Variants in SLC22A4 observed in about 807,000 individuals in gnomAD.
SLC22A4 encodes ET transporter.
In SLC22A4, 39 loss-of-function variants were observed where a neutral mutation model predicts 56.6. The observed-to-expected ratio is 0.69, with a 90% CI of 0.53 to 0.90. The LOEUF is 0.90. Ranked by LOEUF, SLC22A4 falls within the 40% of genes least tolerant of loss-of-function variation. SLC22A4 has a pLI of 0.00. For missense variants in SLC22A4, 594 were observed against 696.5 expected (o/e 0.85, Z 1.66); for synonymous variants, 241 against 281.4 (o/e 0.86, Z 1.44).
intron 5 of SLC22A4, among the ~76,000 whole-genome samples, chr5:132,330,665 G>A (rs563313377): frequency 2.0e-5 from 3 of 152,170 alleles, no homozygotes; most frequent in Non-Finnish European, 4.4e-5. Flanking sequence ...GGCGGAGGTT[G>A]CAGTGAGCTG....
chr5:132,325,431 C>G (rs991659052), intron 4 of SLC22A4, among the ~76,000 whole-genome samples: 1 of 152,172 alleles, frequency 6.6e-6, no homozygotes, highest in Admixed American at 6.5e-5. Flanking sequence ...CAGCACAGTT[C>G]TAATTACTGA....
Position 132,311,028 on chromosome 5 carries a change from CTT to C in SLC22A4, c.394-1132_394-1131del, listed in dbSNP as rs549625276. 4.2e-3 allele frequency among the ~76,000 whole-genome samples: 647 copies of C among 152,238 alleles called. 4 individuals carry two copies. The highest frequency in any genetic ancestry group is 0.015 in the African/African-American group (610 of 41,544). On this transcript the variant is annotated intron_variant, in intron 1 of 9. Coordinates refer to ENST00000200652, the MANE Select transcript of SLC22A4 (RefSeq NM_003059.3). ...TTAGCTTTTTGTTTTACATTTTTCT[CTT>C]GTGTGTGTCTTTATAAACACCTCTG...
At chr5:132,322,503 T>A in intron 4 of SLC22A4, 148 bp downstream of exon 4, 2 of 738,982 alleles carry the variant, frequency 2.7e-6, no homozygotes, top group Non-Finnish European at 2.3e-6. Context: ...AGTTTTTGCC[T>A]CATTGTGGGT....
chr5:132,340,417 C>T (rs1751177075), intron 8 of SLC22A4, 148 bp from the exon 9 acceptor site: 2 of 792,890 alleles, frequency 2.5e-6, no homozygotes, highest in East Asian at 4.9e-5. Flanking sequence ...CAAAAAGAAA[C>T]TGATATTTTG....
chr5:132,310,916 G>A (rs1204458442), intron 1 of SLC22A4, among the ~76,000 whole-genome samples: 1 of 152,148 alleles, frequency 6.6e-6, no homozygotes, highest in Non-Finnish European at 1.5e-5. Flanking sequence ...AGGCAGGCCC[G>A]TGGACAGGAT....
chr5:132,325,046 A>C lies in SLC22A4; in HGVS notation c.825-2231A>C, dbSNP rs552942906. ...CCACAGGTGTGAATGGAGTATGTGT[A>C]TAGGCGGTGGGGATGGGGTAGGGAA... On this transcript the variant is annotated intron_variant, in intron 4 of 9. Transcript: ENST00000200652. Among the ~76,000 whole-genome samples the C allele has an allele frequency of 7.9e-5, 12 of 152,298 alleles. No homozygotes were observed. The South Asian group carries it at 2.5e-3, about 32-fold the overall frequency.
intron 2 of SLC22A4, among the ~76,000 whole-genome samples, chr5:132,313,224 G>A (rs553849048): frequency 6.6e-6 from 1 of 152,316 alleles, no homozygotes; most frequent in South Asian, 2.1e-4. Flanking sequence ...CACTTGCAGA[G>A]TGACTCTTAG....
intron 1 of SLC22A4, among the ~76,000 whole-genome samples, chr5:132,302,518 A>G (rs1250460595): frequency 6.6e-6 from 1 of 152,194 alleles, no homozygotes; most frequent in African/African-American, 2.4e-5. Flanking sequence ...GAAGGTGTGG[A>G]GAGAATGGAC....
At chr5:132,306,113 C>T (rs1395405513) in intron 1 of SLC22A4, among the ~76,000 whole-genome samples, 1 of 151,804 alleles carries the variant, frequency 6.6e-6, no homozygotes, top group Non-Finnish European at 1.5e-5. Context: ...AAATTGAAAC[C>T]CTCATTCATT....
At chr5:132,311,150 T>C (rs1750169688) in intron 1 of SLC22A4, 1 of 152,228 alleles carries the variant, frequency 6.6e-6, no homozygotes, top group Admixed American at 6.5e-5. Context: ...AGGAATTGTT[T>C]GGCGAATGCA....
chr5:132,313,769 G>A lies in SLC22A4; in HGVS notation c.652+1G>A, dbSNP rs766080054. The A allele has an allele frequency of 9.9e-6, 16 of 1,614,040 alleles. No homozygotes were observed. In the South Asian group the frequency reaches 1.6e-4, roughly 17 times the overall value. On this transcript the variant is annotated splice_donor_variant, in intron 3 of 9. Coordinates refer to ENST00000200652, the MANE Select transcript of SLC22A4 (RefSeq NM_003059.3). LOFTEE classifies it high-confidence loss of function. ...AACTATGTGGTAGCCTTCATACTAG[G>A]TAGGAATGGCTTCTGGGACATGGGG...
chr5:132,295,253 C>G, intron 1 of SLC22A4: 2 of 710,232 alleles, frequency 2.8e-6, no homozygotes, highest in Non-Finnish European at 5.2e-6. Context: ...ACTGTCTTTT[C>G]ATTTCCGATT....
At chr5:132,337,320 A>G (rs890327654) in intron 8 of SLC22A4, among the ~76,000 whole-genome samples, 1 of 130,280 alleles carries the variant, frequency 7.7e-6, no homozygotes, top group Non-Finnish European at 1.5e-5. Context: ...TCTGGAGTGT[A>G]GTGGTGCGAT....
chr5:132,329,349 T>TC (rs1750788534), intron 5 of SLC22A4, among the ~76,000 whole-genome samples: 1 of 152,110 alleles, frequency 6.6e-6, no homozygotes, highest in Non-Finnish European at 1.5e-5. Context: ...TCTCCCCTGC[T>TC]CACCTCCCGT....
At chr5:132,298,267 A>G (rs576377893) in intron 1 of SLC22A4, among the ~76,000 whole-genome samples, 1 of 152,362 alleles carries the variant, frequency 6.6e-6, no homozygotes, top group South Asian at 2.1e-4. Context: ...GGATAAACAT[A>G]ATGTGGTATA....
At chr5:132,311,007 CTTTTT>C (rs1750166068) in intron 1 of SLC22A4, among the ~76,000 whole-genome samples, 1 of 152,112 alleles carries the variant, frequency 6.6e-6, no homozygotes, top group Non-Finnish European at 1.5e-5. Flanking sequence ...ATTCCCTTAG[CTTTTT>C]GTTTTACATT....
At chr5:132,305,077 T>C (rs1327596534) in intron 1 of SLC22A4, among the ~76,000 whole-genome samples, 1 of 152,180 alleles carries the variant, frequency 6.6e-6, no homozygotes, top group African/African-American at 2.4e-5. Flanking sequence ...AGACCTTGTC[T>C]CTTAAACAAA....
At chr5:132,303,204 T>A (rs1279528201) in intron 1 of SLC22A4, among the ~76,000 whole-genome samples, 1 of 152,200 alleles carries the variant, frequency 6.6e-6, no homozygotes, top group Non-Finnish European at 1.5e-5. Context: ...AATTAGCACA[T>A]GAAAAGATTC....
chr5:132,330,447 C>T (rs1179559674), intron 5 of SLC22A4, among the ~76,000 whole-genome samples: 1 of 152,290 alleles, frequency 6.6e-6, no homozygotes, highest in African/African-American at 2.4e-5. Context: ...AAGAATAGGC[C>T]GGGCGCAGTG....
Sources: gnomAD v4.1 joint callset for allele counts (sites outside exome capture counted in the v4.1 genomes callset) on GRCh38, gnomAD v4.1.1 for gene constraint, MANE v1.5 for transcripts, NCBI Gene and HGNC (gene_info 2026-07-23, HGNC 2026-07-21) for gene names.